NAV3: variants seen among roughly 807,000 people sequenced by gnomAD.
NAV3 encodes the protein neuron navigator 3.
Under a neutral mutation model 244.7 loss-of-function variants are expected in NAV3, and 87 were observed. That is an observed-to-expected ratio of 0.36 (90% CI 0.30 to 0.42). The LOEUF (loss-of-function observed/expected upper bound fraction) is 0.42. NAV3 is among the 20% of genes least tolerant of loss of function. NAV3 has a pLI of 1.00. For missense variants in NAV3, 2,663 were observed against 2,893.3 expected (o/e 0.92, Z 1.83); for synonymous variants, 1,126 against 1,042.2 (o/e 1.08, Z -1.55).
chr12:77,968,391 C>T, intron 4 of NAV3, 128 bp from the exon 5 acceptor site: 1 of 737,944 alleles, frequency 1.4e-6, no homozygotes, highest in Non-Finnish European at 2.3e-6. Flanking sequence ...TGTGATTCAA[C>T]TGTGACTGAG....
Position 78,159,146 on chromosome 12 carries a change from C to T in NAV3, c.4786-57C>T, listed in dbSNP as rs556845447. 9 of 1,447,992 alleles carry T rather than the reference C, an allele frequency of 6.2e-6. No homozygotes were observed. In the East Asian group the frequency reaches 1.8e-4, roughly 30 times the overall value. The allele number at this position is 1,447,992 out of a possible 1,614,324, so 89.7% of individuals were successfully genotyped here. A position where few individuals can be genotyped will look rare whatever the true frequency, so the allele number is the denominator to read the frequency against. ...AGCATTTTGTAAAATGAAGGCTTTT[C>T]ATCCATCCACATAAGATTCTGACAT... On this transcript the variant is annotated intron_variant, in intron 22 of 39. Transcript: ENST00000397909.
At chr12:77,981,287 A>G (rs915409889) in intron 5 of NAV3, among the ~76,000 whole-genome samples, 1 of 152,158 alleles carries the variant, frequency 6.6e-6, no homozygotes, top group Non-Finnish European at 1.5e-5. Context: ...ATATATTTGC[A>G]GAAGTGGCTA....
intron 11 of NAV3, among the ~76,000 whole-genome samples, chr12:78,056,568 A>C (rs1325036069): frequency 6.6e-6 from 1 of 152,148 alleles, no homozygotes; most frequent in Non-Finnish European, 1.5e-5. Flanking sequence ...ATCTCTACTA[A>C]AAATACAAAA....
chr12:77,688,411 C>T (rs931564943), intron 2 of NAV3, among the ~76,000 whole-genome samples: 9 of 152,132 alleles, frequency 5.9e-5, no homozygotes, highest in East Asian at 1.9e-4. Flanking sequence ...CTACTTTCCT[C>T]ACTAGGCTGT....
In NAV3 at chr12:78,175,322, A is replaced by G. The variant is rs1958174633; in HGVS notation, c.4998A>G (p.Arg1666=). The G allele has an allele frequency of 1.2e-6, 2 of 1,611,148 alleles. No homozygotes were observed. The highest frequency in any genetic ancestry group is 1.7e-5 in the Admixed American group (1 of 59,874). ...DHPPKDLRIR[R]QHSSESVSSI... ...TATTGCTAGATCTTCGCATCAGAAG[A>G]CAGCATTCCTCTGAAAGTGTTTCTA... Residue 1666 remains arginine (R), a synonymous_variant, in exon 25 of 40, where the codon AGA becomes AGG. Transcript: ENST00000397909.
chr12:77,629,787 T>G (rs966004427), intron 2 of NAV3, among the ~76,000 whole-genome samples: 2 of 152,172 alleles, frequency 1.3e-5, no homozygotes, highest in African/African-American at 4.8e-5. Context: ...ACATTCTGCT[T>G]GCTACTTCTG....
chr12:77,746,949 A>T (rs1000490960), intron 2 of NAV3, among the ~76,000 whole-genome samples: 1 of 152,170 alleles, frequency 6.6e-6, no homozygotes, highest in Non-Finnish European at 1.5e-5. Flanking sequence ...TTAGAGGGAC[A>T]CTTGTCAAAC....
In NAV3 at chr12:77,831,195, CAGAGAGAGAGAGAGAGAGAGAGAAAGAG is replaced by C. The variant is rs1873620138; in HGVS notation, c.-253_-226del. The C allele has an allele frequency of 7.0e-6, 1 of 143,166 alleles. No homozygotes were observed. Among genetic ancestry groups the C allele is most frequent in the Non-Finnish European group, 1.5e-5 (1 of 68,326 alleles). 8.9% of individuals were successfully genotyped at this position (143,166 alleles called of 1,614,324 possible). A position where few individuals can be genotyped will look rare whatever the true frequency, so the allele number is the denominator to read the frequency against. On this transcript the variant is annotated 5_prime_UTR_variant, in exon 1 of 40. Coordinates refer to ENST00000397909, the MANE Select transcript of NAV3 (RefSeq NM_001024383.2). Reference sequence around the variant, plus strand: ...AGAGAGAGAGAGAGAGAGAGAGAGACAGAGAGAGAGAGAGAGAGAGAGAAAGAGAGAGAGAGAGAGAATGAGAATGAAT... The same window carrying C: ...AGAGAGAGAGAGAGAGAGAGAGAGACAGAGAGAGAGAGAATGAGAATGAAT...
rs191391084 is a variant in NAV3, at chr12:77,593,707, C to A, written c.72+21441C>A. 1.1e-3 allele frequency among the ~76,000 whole-genome samples: 161 copies of A among 150,912 alleles called. 1 individual carries two copies. The highest frequency in any genetic ancestry group is 3.8e-3 in the African/African-American group (158 of 41,164). On this transcript the variant is annotated intron_variant, in intron 2 of 8. Coordinates refer to the NAV3 transcript ENST00000550042. Reference sequence around the variant, plus strand: ...GCCAGGGTGGTATAGATCTCCTGACCTCGTGATCTGCCTGCCTTGGCCTCC... The same window carrying A: ...GCCAGGGTGGTATAGATCTCCTGACATCGTGATCTGCCTGCCTTGGCCTCC...
intron 18 of NAV3, among the ~76,000 whole-genome samples, chr12:78,134,678 G>A (rs1046460029): frequency 2.6e-5 from 4 of 152,088 alleles, no homozygotes; most frequent in Non-Finnish European, 5.9e-5. Flanking sequence ...CCCTTGTCCA[G>A]GAGTTACAGG....
At chr12:77,725,583 A>T (rs1876840366) in intron 2 of NAV3, among the ~76,000 whole-genome samples, 1 of 151,882 alleles carries the variant, frequency 6.6e-6, no homozygotes, top group Non-Finnish European at 1.5e-5. Flanking sequence ...GAAATCAGAG[A>T]AAGTGGTAGT....
intron 1 of NAV3, among the ~76,000 whole-genome samples, chr12:77,923,972 G>C (rs1458464881): frequency 6.6e-6 from 1 of 152,172 alleles, no homozygotes; most frequent in East Asian, 1.9e-4. Flanking sequence ...AGTTGTAATT[G>C]AATTCCTGTA....
At chr12:77,665,945 G>A (rs908827876) in intron 2 of NAV3, among the ~76,000 whole-genome samples, 5 of 151,836 alleles carry the variant, frequency 3.3e-5, no homozygotes, top group Admixed American at 1.3e-4. Context: ...TACACATTTC[G>A]CTTTAATTCA....
chr12:77,795,983 T>A (rs1871390296), intron 2 of NAV3, among the ~76,000 whole-genome samples: 1 of 152,180 alleles, frequency 6.6e-6, no homozygotes, highest in Non-Finnish European at 1.5e-5. Context: ...GAAAGAGATG[T>A]GCAAGAAAAT....
At position 77,946,239 on chromosome 12, in the gene NAV3, A is replaced by ATG. The variant is rs763160031; in HGVS notation, c.414+5125_414+5126dup. On this transcript the variant is annotated intron_variant, in intron 3 of 39. Transcript: ENST00000397909. ...CATATATGTGTAAATATATGTGCGT[A>ATG]TGTGTGTGTGTGTGTGTGTGCGCGT... Among the ~76,000 whole-genome samples the ATG allele has an allele frequency of 5.6e-3, 630 of 112,594 alleles. 4 individuals are homozygous for ATG. Among genetic ancestry groups the ATG allele is most frequent in the African/African-American group, 7.7e-3 (268 of 34,854 alleles). The allele number at this position is 112,594 out of a possible 152,430, so 73.9% of individuals were successfully genotyped here. A position where few individuals can be genotyped will look rare whatever the true frequency, so the allele number is the denominator to read the frequency against.
At chr12:77,870,062 T>C (rs1479440300) in intron 1 of NAV3, among the ~76,000 whole-genome samples, 4 of 152,168 alleles carry the variant, frequency 2.6e-5, no homozygotes, top group Admixed American at 6.5e-5. Context: ...AATGCAAAAG[T>C]AGTTGTATAA....
intron 22 of NAV3, among the ~76,000 whole-genome samples, chr12:78,154,339 TA>T (rs1957215468): frequency 1.4e-5 from 1 of 72,670 alleles, no homozygotes; most frequent in African/African-American, 4.5e-5. Flanking sequence ...TATTATATAG[TA>T]ATATATTACT....
At chr12:77,652,557 C>A (rs1306271841) in intron 2 of NAV3, among the ~76,000 whole-genome samples, 1 of 152,048 alleles carries the variant, frequency 6.6e-6, no homozygotes, top group Non-Finnish European at 1.5e-5. Context: ...AAGATGTATG[C>A]CTGTAATACC....
chr12:77,899,572 T>C (rs1218438845), intron 1 of NAV3, among the ~76,000 whole-genome samples: 14 of 152,230 alleles, frequency 9.2e-5, no homozygotes, highest in Non-Finnish European at 1.5e-5. Flanking sequence ...GCACACTTAA[T>C]AGACTACAGT....
Sources: gnomAD v4.1 joint callset for allele counts (sites outside exome capture counted in the v4.1 genomes callset) on GRCh38, gnomAD v4.1.1 for gene constraint, MANE v1.5 for transcripts, NCBI Gene and HGNC (gene_info 2026-07-23, HGNC 2026-07-21) for gene names.